Variants in KIAA1671 observed in about 807,000 individuals in gnomAD.
KIAA1671 encodes uncharacterized protein KIAA1671.
Under a neutral mutation model 131.2 loss-of-function variants are expected in KIAA1671, and 52 were observed. The observed-to-expected ratio is 0.40, with a 90% CI of 0.32 to 0.50. KIAA1671 has a LOEUF of 0.50. KIAA1671 is among the 20% of genes least tolerant of loss of function. KIAA1671 has a pLI of 0.73. For missense variants in KIAA1671, 2,360 were observed against 2,364.2 expected, an observed-to-expected ratio of 1.00 and a Z score of 0.04; for synonymous variants, 1,003 against 961.6, an observed-to-expected ratio of 1.04 and a Z score of -0.80.
chr22:25,023,253 A>G (rs1739502107), intron 1 of KIAA1671: 1 of 152,166 alleles, frequency 6.6e-6, no homozygotes, highest in Non-Finnish European at 1.5e-5. Flanking sequence ...CTGTAATCCC[A>G]GCTTCACGGA....
intron 1 of KIAA1671, among the ~76,000 whole-genome samples, chr22:24,960,050 C>T (rs1921930982): frequency 6.6e-6 from 1 of 151,550 alleles, no homozygotes; most frequent in African/African-American, 2.4e-5. Context: ...GGGAGGATCA[C>T]TTGTACCTGG....
chr22:24,953,241 A>G (rs2123786778), intron 1 of KIAA1671, among the ~76,000 whole-genome samples: 1 of 152,236 alleles, frequency 6.6e-6, no homozygotes, highest in South Asian at 2.1e-4. Flanking sequence ...GGATTCAGAG[A>G]GATCCCGTGG....
intron 6 of KIAA1671, among the ~76,000 whole-genome samples, chr22:25,096,180 C>T (rs888639138): frequency 2.1e-4 from 32 of 152,268 alleles, no homozygotes; most frequent in Middle Eastern, 3.4e-3. Flanking sequence ...GGGTACACGG[C>T]GAACCTGACA....
In KIAA1671 at chr22:25,040,516, C is replaced by G. The variant is rs1602090375; in HGVS notation, c.3386C>G (p.Ala1129Gly). 7 of 1,551,822 alleles carry G rather than the reference C, an allele frequency of 4.5e-6. No individual in the cohort carries two copies. Among genetic ancestry groups the G allele is most frequent in the Non-Finnish European group, 4.4e-6 (5 of 1,147,022 alleles). ...PFNGRIIDVD[A>G]LWSHRGSEDG... ...AATGGAAGAATCATTGATGTGGATG[C>G]CTTATGGAGTCATCGGGGATCAGAA... Residue 1129 changes from alanine to glycine, a missense_variant, in exon 5 of 13, where the codon GCC becomes GGC. Coordinates refer to ENST00000358431, the MANE Select transcript of KIAA1671 (RefSeq NM_001145206.2).
intron 12 of KIAA1671, among the ~76,000 whole-genome samples, chr22:25,191,328 A>C (rs58646056): frequency 0.018 from 2,794 of 151,624 alleles, 78 homozygotes; most frequent in African/African-American, 0.064. Flanking sequence ...GCTGATTTTT[A>C]TATTTTTTGT....
At chr22:25,173,796 A>G (rs1933929564) in intron 7 of KIAA1671, among the ~76,000 whole-genome samples, 2 of 152,348 alleles carry the variant, frequency 1.3e-5, no homozygotes, top group South Asian at 4.1e-4. Context: ...TTAACATGAA[A>G]AGTTATTAGC....
At position 25,185,047 on chromosome 22, in the gene KIAA1671, G is replaced by T; in HGVS notation, c.5270G>T (p.Ser1757Ile). 2 of 1,551,670 alleles carry T rather than the reference G, an allele frequency of 1.3e-6. No homozygotes were observed. The highest frequency in any genetic ancestry group is 1.7e-6 in the Non-Finnish European group (2 of 1,146,998). Residue 1757 changes from serine (S) to isoleucine (I), a missense_variant, in exon 11 of 13, where the codon AGC becomes ATC. By Grantham distance (142) the Ser-to-Ile change is moderately radical. Around this residue, in one of 3 missense-constraint regions of KIAA1671, gnomAD observed 1,161 missense variants for 1,204.7 expected, o/e 0.96. Transcript: ENST00000358431. ...CCCAGCTGGGCACCCCAACCCAAGA[G>T]CCCCAAGTCCCCCTTCCAGCCTGGG... is the stretch of plus-strand genomic sequence containing the variant. ...ETPSWAPQPK[S>I]PKSPFQPGVL...
chr22:25,028,550 T>G lies in KIAA1671; in HGVS notation c.551T>G (p.Leu184Arg). The change falls in exon 3 of 13, where the codon CTG becomes CGG. Residue 184 changes from leucine to arginine, a missense_variant. Physicochemically the swap from Leu to Arg is moderately radical, Grantham distance 102. Coordinates refer to ENST00000358431, the MANE Select transcript of KIAA1671 (RefSeq NM_001145206.2). ...CCTGAGGTGGCTGCCAAGCCCGCCC[T>G]GCCCACCCAGAAGCCTGCGGGGACC... is the stretch of plus-strand genomic sequence containing the variant. ...SRPEVAAKPA[L>R]PTQKPAGTLP... 1.2e-5 allele frequency: 10 copies of G among 801,326 alleles called. No homozygotes were observed. Among genetic ancestry groups the G allele is most frequent in the Non-Finnish European group, 1.7e-5 (9 of 539,992 alleles). The allele number at this position is 801,326 out of a possible 1,614,324, so 49.6% of individuals were successfully genotyped here. A position where few individuals can be genotyped will look rare whatever the true frequency, so the allele number is the denominator to read the frequency against.
At chr22:24,960,049 A>G (rs768674149) in intron 1 of KIAA1671, among the ~76,000 whole-genome samples, 1 of 151,464 alleles carries the variant, frequency 6.6e-6, no homozygotes, top group Non-Finnish European at 1.5e-5. Flanking sequence ...CGGGAGGATC[A>G]CTTGTACCTG....
chr22:24,982,017 G>A (rs1317081978), intron 1 of KIAA1671, among the ~76,000 whole-genome samples: 2 of 152,198 alleles, frequency 1.3e-5, no homozygotes, highest in Non-Finnish European at 2.9e-5. Context: ...GTGTATATGT[G>A]TACATCATGG....
chr22:25,101,843 G>A (rs1930693917), intron 6 of KIAA1671, among the ~76,000 whole-genome samples: 1 of 152,168 alleles, frequency 6.6e-6, no homozygotes, highest in South Asian at 2.1e-4. Context: ...GCCGCCCACA[G>A]GCTCGGGACC....
intron 6 of KIAA1671, chr22:25,050,829 A>G (rs1187643812): frequency 6.6e-6 from 1 of 152,198 alleles, no homozygotes; most frequent in Non-Finnish European, 1.5e-5. Context: ...ATTCCCTTCC[A>G]TTGACTTCTT....
chr22:25,139,309 C>T (rs1358878755), intron 6 of KIAA1671, among the ~76,000 whole-genome samples: 4 of 152,264 alleles, frequency 2.6e-5, no homozygotes, highest in Admixed American at 1.3e-4. Context: ...CTTATCTTGG[C>T]GAGGAGCCCT....
chr22:25,031,678 C>T (rs961728042), intron 3 of KIAA1671, among the ~76,000 whole-genome samples: 4 of 152,156 alleles, frequency 2.6e-5, no homozygotes, highest in Non-Finnish European at 2.9e-5. Context: ...TATGTGTAGC[C>T]GGGGCTGACA....
intron 1 of KIAA1671, among the ~76,000 whole-genome samples, chr22:25,021,759 C>T (rs1366605350): frequency 1.3e-5 from 2 of 152,010 alleles, no homozygotes; most frequent in Non-Finnish European, 2.9e-5. Flanking sequence ...AGGACACCAG[C>T]GTGCACTTTG....
chr22:25,093,738 C>CTA (rs1568951000), intron 6 of KIAA1671, among the ~76,000 whole-genome samples: 5 of 89,008 alleles, frequency 5.6e-5, no homozygotes, highest in African/African-American at 2.1e-4. Flanking sequence ...CACACACACA[C>CTA]TCTCTCTCTC....
intron 6 of KIAA1671, among the ~76,000 whole-genome samples, chr22:25,112,857 C>T (rs546193122): frequency 2.0e-5 from 3 of 152,136 alleles, no homozygotes; most frequent in Non-Finnish European, 4.4e-5. Flanking sequence ...GCACAAGTGG[C>T]GGTGTCATGT....
intron 6 of KIAA1671, among the ~76,000 whole-genome samples, chr22:25,083,203 G>T (rs1339434362): frequency 1.3e-5 from 2 of 152,112 alleles, no homozygotes; most frequent in Non-Finnish European, 2.9e-5. Context: ...CTCTCTCCTT[G>T]GCTTGCAGAT....
At chr22:25,187,096 A>T (rs1189548799) in intron 11 of KIAA1671, among the ~76,000 whole-genome samples, 2 of 152,150 alleles carry the variant, frequency 1.3e-5, no homozygotes, top group Admixed American at 1.3e-4. Flanking sequence ...TAGACTCCAG[A>T]GTCACCTAAT....
Sources: gnomAD v4.1 joint callset for allele counts (sites outside exome capture counted in the v4.1 genomes callset) on GRCh38, gnomAD v4.1.1 for gene constraint, gnomAD v4.1.1 regional missense constraint, MANE v1.5 for transcripts, NCBI Gene and HGNC (gene_info 2026-07-23, HGNC 2026-07-21) for gene names.